ZNF730: variants seen among roughly 807,000 people sequenced by gnomAD.
The protein encoded by ZNF730 is putative zinc finger protein 730.
A neutral mutation model predicts 12.6 loss-of-function variants in ZNF730; 12 were observed. The ratio of observed to expected loss-of-function variants is 0.95; its 90% CI spans 0.61 to 1.54. The LOEUF is 1.54. Ranked by LOEUF, ZNF730 falls within the 40% of genes most tolerant of loss-of-function variation. ZNF730 has a pLI of 0.00. For missense variants in ZNF730, 643 were observed against 583.5 expected (o/e 1.10, Z -1.05); for synonymous variants, 194 against 195.8 (o/e 0.99, Z 0.08).
chr19:23,078,557 C>T lies in ZNF730; in HGVS notation c.-94+3170C>T, dbSNP rs144507452. 7.3e-4 allele frequency among the ~76,000 whole-genome samples: 111 copies of T among 152,220 alleles called. No individual in the cohort carries two copies. The East Asian group carries it at 0.013, about 17-fold the overall frequency. On this transcript the variant is annotated intron_variant, in intron 1 of 2. Coordinates refer to the ZNF730 transcript ENST00000593635. ...ATTACCCTATTGTCCTGGAACATCC[C>T]CCTCTCTTGAGATGGTAGAGATAAT... is the stretch of plus-strand genomic sequence containing the variant.
intron 1 of ZNF730, among the ~76,000 whole-genome samples, chr19:23,122,876 A>G (rs1970617276): frequency 6.6e-6 from 1 of 152,230 alleles, no homozygotes; most frequent in Non-Finnish European, 1.5e-5. Flanking sequence ...TTAAAGTTCT[A>G]CATACATTAT....
chr19:23,111,747 C>CA (rs547423063), intron 1 of ZNF730, among the ~76,000 whole-genome samples: 269 of 124,382 alleles, frequency 2.2e-3, no homozygotes, highest in African/African-American at 4.1e-3. Context: ...GACTCCGTCT[C>CA]AAAAAAAAAA....
chr19:23,091,009 A>C (rs1005354060), intron 1 of ZNF730, among the ~76,000 whole-genome samples: 4 of 151,934 alleles, frequency 2.6e-5, no homozygotes, highest in African/African-American at 9.7e-5. Flanking sequence ...TCAAAAAAAA[A>C]AAAAAGAAAA....
chr19:23,100,630 C>CTTTTT (rs201462781), intron 1 of ZNF730, among the ~76,000 whole-genome samples: 1 of 118,554 alleles, frequency 8.4e-6, no homozygotes, highest in Admixed American at 8.1e-5. Context: ...GATGGTGATT[C>CTTTTT]TTTTTTTTTT....
At chr19:23,126,540 C>T (rs1007639781) in intron 1 of ZNF730, 4 of 400,654 alleles carry the variant, frequency 1.0e-5, no homozygotes, top group Non-Finnish European at 2.0e-5. Flanking sequence ...AGGAAGGCAG[C>T]CCTTTTCAAC....
intron 1 of ZNF730, among the ~76,000 whole-genome samples, chr19:23,080,948 C>T (rs538860267): frequency 4.7e-5 from 7 of 148,700 alleles, no homozygotes; most frequent in Non-Finnish European, 8.9e-5. Flanking sequence ...CAGGTTCTAG[C>T]GATTCTCCTG....
At position 23,111,295 on chromosome 19, in the gene ZNF730, T is replaced by C. The variant is rs1331192838; in HGVS notation, c.-93-22785T>C. 2.0e-5 allele frequency among the ~76,000 whole-genome samples: 3 copies of C among 152,232 alleles called. No individual in the cohort carries two copies. In the East Asian group the frequency reaches 5.8e-4, roughly 29 times the overall value. On this transcript the variant is annotated intron_variant, in intron 1 of 2. Transcript: ENST00000593635. The stretch of plus-strand genomic sequence containing the variant: ...TTTAAACATTTATACAGAAATTTTA[T>C]TTAATTGTCATTTTAATGCATGTTT...
intron 1 of ZNF730, among the ~76,000 whole-genome samples, chr19:23,076,899 C>T (rs536164915): frequency 5.5e-4 from 83 of 152,214 alleles, no homozygotes; most frequent in African/African-American, 2.0e-3. Context: ...ATATTCATTG[C>T]AGCACAATTC....
At position 23,142,453 on chromosome 19, in the gene ZNF730, G is replaced by A. The variant is rs1970935665; in HGVS notation, c.227-2818G>A. Among the ~76,000 whole-genome samples the A allele has an allele frequency of 2.0e-5, 3 of 152,198 alleles. 1 individual carries two copies. In the South Asian group the frequency reaches 6.2e-4, roughly 32 times the overall value. On this transcript the variant is annotated intron_variant, in intron 3 of 3. Transcript: ENST00000597761. ...AATCCCAGTACTTTGGGAGGCTGAGGCAGGCAGATCACAAGGTCAGGAGAT... is the reference window on the plus strand; with the variant it reads ...AATCCCAGTACTTTGGGAGGCTGAGACAGGCAGATCACAAGGTCAGGAGAT...
upstream of ZNF730, among the ~76,000 whole-genome samples, chr19:23,116,467 T>C (rs1014710987): frequency 2.0e-5 from 3 of 151,058 alleles, no homozygotes; most frequent in African/African-American, 7.3e-5. Flanking sequence ...AGTTCAGTGG[T>C]ACGATCTCGG....
In ZNF730 at chr19:23,101,851, A is replaced by G. The variant is rs553809531; in HGVS notation, c.-94+26464A>G. Reference sequence around the variant, plus strand: ...CCAAAGTCCTGGGATTACAGGTATGAGCCACCATGCCCGGCCTCGCTGGGC... The same window carrying G: ...CCAAAGTCCTGGGATTACAGGTATGGGCCACCATGCCCGGCCTCGCTGGGC... On this transcript the variant is annotated intron_variant, in intron 1 of 2. Coordinates refer to the ZNF730 transcript ENST00000593635. 7.2e-5 allele frequency among the ~76,000 whole-genome samples: 11 copies of G among 152,300 alleles called. No individual in the cohort carries two copies. The East Asian group carries it at 2.1e-3, about 29-fold the overall frequency.
intron 1 of ZNF730, among the ~76,000 whole-genome samples, chr19:23,129,278 T>C (rs562780069): frequency 6.6e-6 from 1 of 152,282 alleles, no homozygotes; most frequent in African/African-American, 2.4e-5. Context: ...GTAGATCCAC[T>C]GACAGCTTGC....
chr19:23,126,789 A>C (rs1970676334), intron 1 of ZNF730: 4 of 517,982 alleles, frequency 7.7e-6, no homozygotes, highest in Non-Finnish European at 1.2e-5. Context: ...AGCCAGCAGA[A>C]CATCTTTATT....
chr19:23,099,306 C>A (rs1025359254), intron 1 of ZNF730, among the ~76,000 whole-genome samples: 1 of 151,950 alleles, frequency 6.6e-6, no homozygotes, highest in South Asian at 2.1e-4. Flanking sequence ...GATCATAGGT[C>A]CATAGCACCA....
chr19:23,142,146 C>G (rs976081056), intron 3 of ZNF730, among the ~76,000 whole-genome samples: 1 of 151,840 alleles, frequency 6.6e-6, no homozygotes, highest in Non-Finnish European at 1.5e-5. Flanking sequence ...TTTTGAGGTC[C>G]TATTTTGTCT....
At chr19:23,128,185 A>G (rs920190760) in intron 1 of ZNF730, 20 of 829,564 alleles carry the variant, frequency 2.4e-5, no homozygotes, top group East Asian at 7.3e-5. Context: ...AGGCTTGTCT[A>G]TCCCTCACAG....
At chr19:23,085,297 T>C (rs975637601) in intron 1 of ZNF730, among the ~76,000 whole-genome samples, 1 of 152,038 alleles carries the variant, frequency 6.6e-6, no homozygotes, top group Non-Finnish European at 1.5e-5. Context: ...TCGTGTCCTT[T>C]ACCCACCTTT....
chr19:23,125,164 A>G (rs1970647086), intron 1 of ZNF730, among the ~76,000 whole-genome samples: 1 of 152,114 alleles, frequency 6.6e-6, no homozygotes, highest in African/African-American at 2.4e-5. Context: ...GCCATGTGGT[A>G]TTGTAAGTCC....
chr19:23,091,698 T>G (rs1568302641), intron 1 of ZNF730, among the ~76,000 whole-genome samples: 1 of 152,190 alleles, frequency 6.6e-6, no homozygotes, highest in Admixed American at 6.5e-5. Context: ...CTTTATTTTG[T>G]CCAATTTATC....
Sources: gnomAD v4.1 joint callset for allele counts (sites outside exome capture counted in the v4.1 genomes callset) on GRCh38, gnomAD v4.1.1 for gene constraint, MANE v1.5 for transcripts, NCBI Gene and HGNC (gene_info 2026-07-23, HGNC 2026-07-21) for gene names.